DPF3: variants seen among roughly 807,000 people sequenced by gnomAD.
DPF3 encodes double PHD fingers 3.
A neutral mutation model predicts 56.8 loss-of-function variants in DPF3; 18 were observed. The observed-to-expected ratio is 0.32, with a 90% CI of 0.22 to 0.47. DPF3 has a LOEUF of 0.47. Among genes scored for constraint, DPF3 ranks in the 20% least tolerant of loss-of-function variants. The pLI is 1.00. For synonymous variants in DPF3, 188 were observed against 180.2 expected (o/e 1.04, Z -0.35); for missense variants, 403 against 488.8 (o/e 0.82, Z 1.65).
chr14:72,654,569 C>G (rs1567190545), intron 8 of DPF3, among the ~76,000 whole-genome samples: 1 of 152,194 alleles, frequency 6.6e-6, no homozygotes, highest in African/African-American at 2.4e-5. Flanking sequence ...TCAGACTTTA[C>G]CAGCAATCAC....
chr14:72,787,852 A>C (rs1892272555), intron 1 of DPF3, among the ~76,000 whole-genome samples: 1 of 152,180 alleles, frequency 6.6e-6, no homozygotes, highest in Non-Finnish European at 1.5e-5. Context: ...TAAGGACAAG[A>C]GAGGAGAGGC....
intron 8 of DPF3, among the ~76,000 whole-genome samples, chr14:72,638,862 G>A (rs978404041): frequency 2.1e-5 from 3 of 145,120 alleles, no homozygotes; most frequent in African/African-American, 7.7e-5. Context: ...TGTCGTCCAT[G>A]CTGGAGTGCA....
rs562468056 is a variant in DPF3, at chr14:72,637,692, G to T, written c.872-7956C>A. On this transcript the variant is annotated intron_variant, in intron 8 of 10. Coordinates refer to ENST00000556509, the MANE Select transcript of DPF3 (RefSeq NM_001280542.3). Reference sequence around the variant, plus strand: ...CTGCTATCCATGAAGCTGTAGCTTTGTCTATGCCACCCAAAAATGGTATTT... The same window carrying T: ...CTGCTATCCATGAAGCTGTAGCTTTTTCTATGCCACCCAAAAATGGTATTT... Among the ~76,000 whole-genome samples, 3 of 152,168 alleles carry T rather than the reference G, an allele frequency of 2.0e-5. No individual in the cohort carries two copies. The South Asian group carries it at 6.2e-4, about 32-fold the overall frequency.
intron 7 of DPF3, among the ~76,000 whole-genome samples, chr14:72,690,664 C>T (rs1470959929): frequency 1.3e-5 from 2 of 151,846 alleles, no homozygotes; most frequent in African/African-American, 2.4e-5. Flanking sequence ...CACACACACC[C>T]GGCTCATAAT....
intron 9 of DPF3, among the ~76,000 whole-genome samples, chr14:72,628,711 GAGAC>G (rs201903495): frequency 2.0e-5 from 3 of 150,222 alleles, no homozygotes; most frequent in African/African-American, 7.4e-5. Flanking sequence ...CACAGAAAAA[GAGAC>G]AGACAATCTG....
chr14:72,690,610 T>TGCAC (rs1887638225), intron 7 of DPF3, among the ~76,000 whole-genome samples: 1 of 148,070 alleles, frequency 6.8e-6, no homozygotes, highest in Admixed American at 6.7e-5. Flanking sequence ...ACACACAACA[T>TGCAC]GCACGCACAC....
chr14:72,646,098 T>G (rs1330128118), intron 8 of DPF3, among the ~76,000 whole-genome samples: 1 of 152,176 alleles, frequency 6.6e-6, no homozygotes, highest in Non-Finnish European at 1.5e-5. Flanking sequence ...CCACTCAGTC[T>G]TCACTCTCTC....
At chr14:72,816,001 G>A (rs8006233) in intron 1 of DPF3, among the ~76,000 whole-genome samples, 106,756 of 152,136 alleles carry the variant, frequency 0.7, 38,292 homozygotes, top group East Asian at 0.85. Flanking sequence ...GTAACATTTC[G>A]AAGATAAGGA....
intron 2 of DPF3, among the ~76,000 whole-genome samples, chr14:72,769,022 G>A (rs1014433238): frequency 6.7e-6 from 1 of 150,106 alleles, no homozygotes; most frequent in Non-Finnish European, 1.5e-5. Flanking sequence ...AGGATTTTTT[G>A]GTGTAGGAGA....
At position 72,805,051 on chromosome 14, in the gene DPF3, G is replaced by GACACACACAC. The variant is rs138162317; in HGVS notation, c.33-33168_33-33159dup. Among the ~76,000 whole-genome samples, 392 of 146,466 alleles carry GACACACACAC rather than the reference G, an allele frequency of 2.7e-3. 8 individuals carry two copies. Among genetic ancestry groups the GACACACACAC allele is most frequent in the African/African-American group, 8.9e-3 (351 of 39,384 alleles). On this transcript the variant is annotated intron_variant, in intron 1 of 10. Coordinates refer to ENST00000556509, the MANE Select transcript of DPF3 (RefSeq NM_001280542.3). ...AAAACGAGGGAGTCCCACAGCCCTGGACACACACACACACACAAACACACA... is the reference window on the plus strand; with the variant it reads ...AAAACGAGGGAGTCCCACAGCCCTGGACACACACACACACACACACACACACAAACACACA...
chr14:72,674,407 A>G (rs963190627), intron 7 of DPF3, 39 bp from the exon 8 acceptor site: 37 of 1,598,446 alleles, frequency 2.3e-5, no homozygotes, highest in Middle Eastern at 1.7e-4. Context: ...TCAGGCTTAC[A>G]TGAGTTTCAA....
At chr14:72,777,213 G>T (rs147142620) in intron 1 of DPF3, among the ~76,000 whole-genome samples, 341 of 150,332 alleles carry the variant, frequency 2.3e-3, no homozygotes, top group African/African-American at 7.4e-3. Context: ...CGCCAGAGCC[G>T]CCCACAAACA....
At chr14:72,638,038 C>T (rs1159933494) in intron 8 of DPF3, among the ~76,000 whole-genome samples, 1 of 152,182 alleles carries the variant, frequency 6.6e-6, no homozygotes, top group Non-Finnish European at 1.5e-5. Flanking sequence ...TGAAGGTAGA[C>T]AGAGGCCTTG....
chr14:72,784,134 T>A (rs1892110667), intron 1 of DPF3, among the ~76,000 whole-genome samples: 1 of 151,886 alleles, frequency 6.6e-6, no homozygotes, highest in Non-Finnish European at 1.5e-5. Flanking sequence ...AAGCACTGAG[T>A]CTCATTTCAC....
chr14:72,672,046 C>CAG (rs1567195991), intron 8 of DPF3, among the ~76,000 whole-genome samples: 17 of 118,332 alleles, frequency 1.4e-4, no homozygotes, highest in African/African-American at 5.4e-4. Flanking sequence ...CACACACACA[C>CAG]ACACACACAC....
intron 4 of DPF3, 43 bp downstream of exon 4, chr14:72,731,764 T>C: frequency 6.2e-7 from 1 of 1,611,132 alleles, no homozygotes; most frequent in Non-Finnish European, 8.5e-7. Context: ...AGCGCTATGG[T>C]GACAGGAACA....
At chr14:72,887,152 A>AACACAC (rs149200705) in intron 1 of DPF3, among the ~76,000 whole-genome samples, 4,304 of 138,036 alleles carry the variant, frequency 0.031, 80 homozygotes, top group South Asian at 0.046. Context: ...TCTGCCTCCA[A>AACACAC]ACACACACAC....
intron 8 of DPF3, chr14:72,662,950 AG>A (rs1886279973): frequency 6.7e-6 from 4 of 593,566 alleles, no homozygotes; most frequent in Non-Finnish European, 8.4e-6. Flanking sequence ...AAAAAAAAAA[AG>A]AAGAAGAAAG....
intron 3 of DPF3, among the ~76,000 whole-genome samples, chr14:72,738,789 T>C (rs1183589377): frequency 6.6e-6 from 1 of 152,144 alleles, no homozygotes; most frequent in Non-Finnish European, 1.5e-5. Flanking sequence ...ACACAAAAAA[T>C]GACAAGAATG....
Sources: gnomAD v4.1 joint callset for allele counts (sites outside exome capture counted in the v4.1 genomes callset) on GRCh38, gnomAD v4.1.1 for gene constraint, MANE v1.5 for transcripts, NCBI Gene and HGNC (gene_info 2026-07-23, HGNC 2026-07-21) for gene names.